Variants in KDM2B observed in about 807,000 individuals in gnomAD.
KDM2B encodes the protein lysine-specific demethylase 2B.
A neutral mutation model predicts 150.0 loss-of-function variants in KDM2B; 26 were observed. That is an observed-to-expected ratio of 0.17 (90% confidence interval 0.13 to 0.24). The LOEUF (loss-of-function observed/expected upper bound fraction) is 0.24, where lower values mean the gene tolerates loss of function less well. KDM2B is among the 10% of genes least tolerant of loss of function. The pLI is 1.00. For missense variants in KDM2B, 1,265 were observed against 1,816.9 expected (o/e 0.70, Z 5.52); for synonymous variants, 734 against 729.5 (o/e 1.01, Z -0.10).
chr12:121,580,314 C>T (rs112633024), intron 1 of KDM2B: 6 of 1,165,734 alleles, frequency 5.1e-6, no homozygotes, highest in Admixed American at 5.4e-5. Flanking sequence ...CGATCGCGCT[C>T]GGAGCCCGCG....
chr12:121,472,993 T>C (rs79726756), intron 12 of KDM2B, among the ~76,000 whole-genome samples: 2,460 of 152,282 alleles, frequency 0.016, 64 homozygotes, highest in African/African-American at 0.057. Flanking sequence ...ACCAATCCCA[T>C]TGTCTAGCCC....
chr12:121,423,322 G>A, the KDM2B span: 4 of 1,366,318 alleles, frequency 2.9e-6, no homozygotes, highest in Non-Finnish European at 4.0e-6. This position sits in a 1 kb window ranked among gnomAD's most constrained non-coding sequence, Gnocchi z 4.3. Flanking sequence ...GCTTCGGACT[G>A]GGAGGGTGGC....
At position 121,467,390 on chromosome 12, in the gene KDM2B, G is replaced by GGAGGGGCCGGC; in HGVS notation, c.1735-14057_1735-14047dup. The GGAGGGGCCGGC allele has an allele frequency of 2.1e-6, 2 of 974,874 alleles. No individual in the cohort carries two copies. The highest frequency in any genetic ancestry group is 2.4e-6 in the Non-Finnish European group (2 of 822,572). The allele number at this position is 974,874 out of a possible 1,614,324, so 60.4% of individuals were successfully genotyped here. ...CGCACGCCCGCGCTGGAGGGGGCGGGGAGGGGCCGGCGGGGGAGGGCCGGG... is the reference window on the plus strand; with the variant it reads ...CGCACGCCCGCGCTGGAGGGGGCGGGGAGGGGCCGGCGAGGGGCCGGCGGGGGAGGGCCGGG... On this transcript the variant is annotated intron_variant, in intron 12 of 22. Transcript: ENST00000377071. This position sits in a 1 kb window ranked among gnomAD's most constrained non-coding sequence, Gnocchi z 5.1.
chr12:121,504,313 C>T (rs951610007), intron 11 of KDM2B, among the ~76,000 whole-genome samples: 17 of 152,172 alleles, frequency 1.1e-4, no homozygotes, highest in East Asian at 9.6e-4. Flanking sequence ...CCTCCTGCCT[C>T]GGTCTCCCAA....
At chr12:121,544,937 TA>T (rs1372917716) in intron 6 of KDM2B, among the ~76,000 whole-genome samples, 5 of 152,186 alleles carry the variant, frequency 3.3e-5, no homozygotes, top group South Asian at 4.1e-4. Context: ...AAAAAATTTT[TA>T]AAAATTCCTA....
intron 6 of KDM2B, among the ~76,000 whole-genome samples, chr12:121,545,929 G>A (rs1441897528): frequency 6.7e-6 from 1 of 150,306 alleles, no homozygotes; most frequent in Non-Finnish European, 1.5e-5. Flanking sequence ...CACACAGCCA[G>A]GAAAGCCCTC....
intron 8 of KDM2B, among the ~76,000 whole-genome samples, chr12:121,529,106 A>C (rs1366472755): frequency 6.6e-6 from 1 of 152,250 alleles, no homozygotes; most frequent in Non-Finnish European, 1.5e-5. Flanking sequence ...CTAGTAACTA[A>C]ATCCAACAGC....
chr12:121,519,412 G>T (rs1475979262), intron 9 of KDM2B, among the ~76,000 whole-genome samples: 8 of 152,128 alleles, frequency 5.3e-5, no homozygotes, highest in Non-Finnish European at 1.0e-4. Context: ...AGAAGAAATG[G>T]TGTGGTCTGG....
the KDM2B span, among the ~76,000 whole-genome samples, chr12:121,408,490 C>T: frequency 6.6e-6 from 1 of 151,916 alleles, no homozygotes; most frequent in East Asian, 1.9e-4. Context: ...AAAATGTGTA[C>T]AGATTTAAGA....
At chr12:121,471,491 T>C (rs540435523) in intron 12 of KDM2B, among the ~76,000 whole-genome samples, 1 of 152,282 alleles carries the variant, frequency 6.6e-6, no homozygotes, top group African/African-American at 2.4e-5. Context: ...TAAGAGGTTT[T>C]GCCCAGACTC....
At chr12:121,578,045 G>A (rs1891626145) in intron 2 of KDM2B, among the ~76,000 whole-genome samples, 1 of 152,230 alleles carries the variant, frequency 6.6e-6, no homozygotes, top group Non-Finnish European at 1.5e-5. Flanking sequence ...AGCTCTCCAA[G>A]TCTCAGGCCT....
At chr12:121,510,778 G>C (rs1169127689) in intron 10 of KDM2B, among the ~76,000 whole-genome samples, 1 of 149,188 alleles carries the variant, frequency 6.7e-6, no homozygotes, top group African/African-American at 2.5e-5. Context: ...GGGCAACAGA[G>C]CAAGGCCCTG....
chr12:121,521,791 C>T lies in KDM2B; in HGVS notation c.932-691G>A, dbSNP rs988785209. On this transcript the variant is annotated intron_variant, in intron 8 of 22. Coordinates refer to ENST00000377071, the MANE Select transcript of KDM2B (RefSeq NM_032590.5). The surrounding 1 kb of genome is among the most constrained non-coding windows in gnomAD (Gnocchi z 4.9). ...TCTCTCCAAACTCCTAGCCTGGAGC[C>T]AGACACAGTCACCATCACAAGGGAA... Among the ~76,000 whole-genome samples, 2 of 152,136 alleles carry T rather than the reference C, an allele frequency of 1.3e-5. No individual in the cohort carries two copies. Among genetic ancestry groups the T allele is most frequent in the African/African-American group, 2.4e-5 (1 of 41,422 alleles).
intron 22 of KDM2B, among the ~76,000 whole-genome samples, chr12:121,434,482 C>T (rs1873615442): frequency 8.3e-6 from 1 of 120,772 alleles, no homozygotes; most frequent in Non-Finnish European, 1.6e-5. Context: ...GGCTGGGCAA[C>T]AGAGCGAGAC....
intron 8 of KDM2B, among the ~76,000 whole-genome samples, chr12:121,528,868 G>C (rs1052292145): frequency 6.6e-6 from 1 of 152,142 alleles, no homozygotes; most frequent in Admixed American, 6.5e-5. Flanking sequence ...ACTCCAGCTT[G>C]GGTAACAAGA....
At chr12:121,434,464 G>A (rs1354131685) in intron 22 of KDM2B, among the ~76,000 whole-genome samples, 4 of 140,260 alleles carry the variant, frequency 2.9e-5, no homozygotes, top group African/African-American at 1.1e-4. Context: ...CCACTGCACT[G>A]CACTCCAGGC....
At position 121,531,514 on chromosome 12, in the gene KDM2B, C is replaced by A. The variant is rs1210064751; in HGVS notation, c.931+1292G>T. Among the ~76,000 whole-genome samples, 3 of 152,188 alleles carry A rather than the reference C, an allele frequency of 2.0e-5. No individual in the cohort carries two copies. In the East Asian group the frequency reaches 5.8e-4, roughly 29 times the overall value. On this transcript the variant is annotated intron_variant, in intron 8 of 22. Transcript: ENST00000377071. Reference sequence around the variant, plus strand: ...CTTCCACCCAGTTGTAGATTGTCTGCAAGCACCTTGAGTCATCCATATCTA... The same window carrying A: ...CTTCCACCCAGTTGTAGATTGTCTGAAAGCACCTTGAGTCATCCATATCTA...
At chr12:121,428,991 A>C (rs1243387235), downstream of KDM2B, 1 of 152,356 alleles carries the variant, frequency 6.6e-6, no homozygotes, top group African/African-American at 2.4e-5. Context: ...GTCAGAGTAT[A>C]GCTCTTTCCC....
At chr12:121,514,639 T>C (rs1301653329) in intron 9 of KDM2B, among the ~76,000 whole-genome samples, 2 of 151,518 alleles carry the variant, frequency 1.3e-5, no homozygotes, top group Admixed American at 1.3e-4. Context: ...CCTCCTCCCC[T>C]CCCTGATCCT....
Sources: gnomAD v4.1 joint callset for allele counts (sites outside exome capture counted in the v4.1 genomes callset) on GRCh38, gnomAD v4.1.1 for gene constraint, Gnocchi (gnomAD v3.1) non-coding constraint, MANE v1.5 for transcripts, NCBI Gene and HGNC (gene_info 2026-07-23, HGNC 2026-07-21) for gene names.